Variants in NPHP4 observed in about 807,000 individuals in gnomAD.
NPHP4 encodes the protein nephrocystin 4.
Under a neutral mutation model 155.8 loss-of-function variants are expected in NPHP4, and 151 were observed. The ratio of observed to expected loss-of-function variants is 0.97; its 90% CI spans 0.85 to 1.11. The LOEUF (loss-of-function observed/expected upper bound fraction) is 1.11, where lower values mean the gene tolerates loss of function less well. NPHP4 is among the 50% of genes least tolerant of loss of function. The probability of loss-of-function intolerance (pLI) is 0.00; values close to 1 mark genes in which losing one functional copy is unlikely to be tolerated. For synonymous variants in NPHP4, 845 were observed against 816.8 expected (o/e 1.03, Z -0.59); for missense variants, 1,956 against 1,925.7 (o/e 1.02, Z -0.29).
In NPHP4 at chr1:5,892,704, C is replaced by T. The variant is rs115418665; in HGVS notation, c.2144-1676G>A. ...CACTGCAGCCTCAGACCTCTCCCCT[C>T]CCTGTCCAGCTGAGACAAGTGGCTC... is the stretch of plus-strand genomic sequence containing the variant. On this transcript the variant is annotated intron_variant, in intron 16 of 29. Transcript: ENST00000378156. The surrounding 1 kb of genome is among the most constrained non-coding windows in gnomAD (Gnocchi z 4.5). 7.0e-3 allele frequency among the ~76,000 whole-genome samples: 1,062 copies of T among 152,164 alleles called. 18 individuals are homozygous for T. The highest frequency in any genetic ancestry group is 0.024 in the African/African-American group (994 of 41,490).
intron 26 of NPHP4, 79 bp from the exon 27 acceptor site, chr1:5,865,352 G>C (rs779625210): frequency 1.2e-4 from 154 of 1,310,862 alleles, no homozygotes; most frequent in Non-Finnish European, 1.5e-4. Context: ...AGGGCTGCCA[G>C]GAGCGTGGGC....
intron 26 of NPHP4, 135 bp from the exon 27 acceptor site, chr1:5,865,408 G>A: frequency 1.3e-6 from 1 of 785,614 alleles, no homozygotes; most frequent in African/African-American, 1.7e-5. Context: ...CAGGCCACAG[G>A]AGGCAGAGCT....
At chr1:5,914,364 G>T (rs1297258645) in intron 11 of NPHP4, among the ~76,000 whole-genome samples, 2 of 151,166 alleles carry the variant, frequency 1.3e-5, no homozygotes, top group African/African-American at 4.9e-5. Flanking sequence ...GGCCTGGAAG[G>T]TGGAAGCCAC....
chr1:5,875,668 G>T (rs1642518859), intron 20 of NPHP4, among the ~76,000 whole-genome samples: 1 of 152,250 alleles, frequency 6.6e-6, no homozygotes, highest in South Asian at 2.1e-4. Context: ...GGTTCTACAG[G>T]TTGGAGACTG....
chr1:5,866,571 C>T (rs528294433), intron 25 of NPHP4, 113 bp from the exon 26 acceptor site: 23 of 687,374 alleles, frequency 3.3e-5, no homozygotes, highest in African/African-American at 1.9e-4. Flanking sequence ...CCTCCCAGAA[C>T]GCATCTGTTC....
intron 26 of NPHP4, chr1:5,865,728 G>A (rs1195318562): frequency 6.0e-6 from 1 of 166,976 alleles, no homozygotes; most frequent in African/African-American, 2.4e-5. Context: ...AGGGCCAAGA[G>A]CCTGCTGCTT....
intron 11 of NPHP4, among the ~76,000 whole-genome samples, chr1:5,918,611 A>C (rs1016171275): frequency 6.6e-6 from 1 of 152,298 alleles, no homozygotes; most frequent in African/African-American, 2.4e-5. Flanking sequence ...AAATATACAA[A>C]CCTCTCATAA....
In NPHP4 at chr1:5,911,296, T is replaced by C. The variant is rs535822628; in HGVS notation, c.1442-2083A>G. On this transcript the variant is annotated intron_variant, in intron 11 of 29. Coordinates refer to ENST00000378156, the MANE Select transcript of NPHP4 (RefSeq NM_015102.5). ...CTCCTCCCAGAAAAAGCCTGAAAGA[T>C]GACACAGCAGAGTGGTAAGTGAAGC... 7.2e-5 allele frequency among the ~76,000 whole-genome samples: 11 copies of C among 152,248 alleles called. 1 individual carries two copies. In the South Asian group the frequency reaches 2.3e-3, roughly 32 times the overall value.
intron 26 of NPHP4, chr1:5,865,601 A>G: frequency 3.9e-6 from 1 of 256,786 alleles, no homozygotes; most frequent in Non-Finnish European, 7.5e-6. Context: ...CACATCCTGG[A>G]CAAGTGTCCA....
At chr1:5,897,248 G>A (rs1328461385) in intron 16 of NPHP4, among the ~76,000 whole-genome samples, 1 of 152,182 alleles carries the variant, frequency 6.6e-6, no homozygotes, top group Non-Finnish European at 1.5e-5. Flanking sequence ...AGCCCAGGGT[G>A]TTAAAACAAG....
chr1:5,897,117 T>C (rs1445566409), intron 16 of NPHP4, among the ~76,000 whole-genome samples: 1 of 152,184 alleles, frequency 6.6e-6, no homozygotes, highest in East Asian at 1.9e-4. Flanking sequence ...CGCTTATCGG[T>C]AGGGAAAGTT....
At chr1:5,978,216 C>T (rs868845453) in intron 3 of NPHP4, 54 bp downstream of exon 3, 11 of 1,551,134 alleles carry the variant, frequency 7.1e-6, no homozygotes, top group Middle Eastern at 3.7e-4. Context: ...CAGGACCACC[C>T]GCACACACAC....
intron 2 of NPHP4, among the ~76,000 whole-genome samples, chr1:5,981,353 G>A (rs1472204322): frequency 1.3e-5 from 2 of 152,132 alleles, no homozygotes; most frequent in Non-Finnish European, 2.9e-5. Context: ...ACAGTATAGG[G>A]CAGAGTCAAC....
Position 5,961,884 on chromosome 1 carries a change from G to C in NPHP4, c.583C>G (p.Leu195Val). ...GGAAGAAGGTGGAACGCAGGCTCCA[G>C]GGCCGGGTGTGGCTTCAGCGTGTAC... Reference protein sequence around the residue: ...LQYTLKPHPALEPAFHLLPEN... With the variant: ...LQYTLKPHPAVEPAFHLLPEN... The change falls in exon 6 of 30, where the codon CTG becomes GTG. Residue 195 changes from leucine (L) to valine (V), a missense_variant. Leu to Val is a conservative substitution (Grantham distance 32). Transcript: ENST00000378156. The C allele has an allele frequency of 1.2e-6, 2 of 1,613,924 alleles. No homozygotes were observed. The highest frequency in any genetic ancestry group is 2.2e-5 in the South Asian group (2 of 91,074).
At chr1:5,958,513 G>A (rs1649664782) in intron 6 of NPHP4, among the ~76,000 whole-genome samples, 1 of 152,126 alleles carries the variant, frequency 6.6e-6, no homozygotes, top group African/African-American at 2.4e-5. Flanking sequence ...TGGCCAACGT[G>A]GTGAAACCCC....
chr1:5,956,195 G>A (rs1649206072), intron 6 of NPHP4, among the ~76,000 whole-genome samples: 1 of 152,166 alleles, frequency 6.6e-6, no homozygotes, highest in Non-Finnish European at 1.5e-5. Flanking sequence ...CAACTCAGTG[G>A]AGGGATCAGG....
chr1:5,949,339 T>TACACAC (rs1411189925), intron 7 of NPHP4, among the ~76,000 whole-genome samples: 2 of 16,756 alleles, frequency 1.2e-4, no homozygotes, highest in Non-Finnish European at 2.4e-4. Flanking sequence ...CTCATTCACA[T>TACACAC]ACATACACAC....
intron 2 of NPHP4, among the ~76,000 whole-genome samples, chr1:5,979,466 G>A (rs188873364): frequency 3.1e-4 from 47 of 152,322 alleles, no homozygotes; most frequent in Admixed American, 2.6e-3. Flanking sequence ...CAAAGGTCCT[G>A]AGAGGAAGAG....
At chr1:5,869,112 CATGCACACACGCACA>C (rs200204632) in intron 23 of NPHP4, among the ~76,000 whole-genome samples, 1 of 139,508 alleles carries the variant, frequency 7.2e-6, no homozygotes, top group South Asian at 2.4e-4. Flanking sequence ...CATGCACCCA[CATGCACACACGCACA>C]ATGCACACAT....
Sources: gnomAD v4.1 joint callset for allele counts (sites outside exome capture counted in the v4.1 genomes callset) on GRCh38, gnomAD v4.1.1 for gene constraint, Gnocchi (gnomAD v3.1) non-coding constraint, MANE v1.5 for transcripts, NCBI Gene and HGNC (gene_info 2026-07-23, HGNC 2026-07-21) for gene names.